Variants in SPEN observed in about 807,000 individuals in gnomAD.
The protein encoded by SPEN is spen family transcriptional repressor.
Under a neutral mutation model 269.9 loss-of-function variants are expected in SPEN, and 18 were observed. The observed-to-expected ratio is 0.07, with a 90% CI of 0.05 to 0.10. The LOEUF is 0.10. SPEN is among the 10% of genes least tolerant of loss of function. The pLI, the probability that SPEN is intolerant of heterozygous loss-of-function variation, is 1.00. For synonymous variants in SPEN, 1,726 were observed against 1,765.7 expected (o/e 0.98, Z 0.56); for missense variants, 3,822 against 4,631.2 (o/e 0.83, Z 5.07).
At chr1:15,868,129 G>A (rs1003416645) in intron 1 of SPEN, among the ~76,000 whole-genome samples, 40 of 151,288 alleles carry the variant, frequency 2.6e-4, no homozygotes, top group Non-Finnish European at 1.3e-4. Flanking sequence ...CACTGCATCC[G>A]GCCCCAGCTA....
intron 3 of SPEN, among the ~76,000 whole-genome samples, chr1:15,908,084 T>C (rs1182062500): frequency 1.3e-5 from 2 of 152,200 alleles, no homozygotes; most frequent in Non-Finnish European, 2.9e-5. Context: ...ATTTATTCAT[T>C]AGTCCTTCAG....
At chr1:15,869,580 G>GTATTTATTTATTTATTTATT (rs139016154) in intron 1 of SPEN, among the ~76,000 whole-genome samples, 56 of 146,082 alleles carry the variant, frequency 3.8e-4, no homozygotes, top group East Asian at 1.8e-3. Flanking sequence ...TGTCTCTACT[G>GTATTTATTTATTTATTTATT]TATTTATTTA....
intron 1 of SPEN, among the ~76,000 whole-genome samples, chr1:15,858,551 C>T (rs1335137975): frequency 1.3e-5 from 2 of 152,186 alleles, no homozygotes; most frequent in African/African-American, 2.4e-5. Context: ...CTGTTGTTTT[C>T]ACAATGATGA....
At position 15,847,806 on chromosome 1, in the gene SPEN, G is replaced by C. The variant is rs1312202696; in HGVS notation, c.-262G>C. The C allele has an allele frequency of 4.6e-6, 1 of 218,294 alleles. No individual in the cohort carries two copies. Among genetic ancestry groups the C allele is most frequent in the Admixed American group, 5.8e-5 (1 of 17,150 alleles). 13.5% of individuals were successfully genotyped at this position (218,294 alleles called of 1,614,324 possible). Reference sequence around the variant, plus strand: ...CCCGCTCCCCCGCCCGCCCCTGCCCGGGCGCATGCGCTGCCGGAGCGCGAG... The same window carrying C: ...CCCGCTCCCCCGCCCGCCCCTGCCCCGGCGCATGCGCTGCCGGAGCGCGAG... On this transcript the variant is annotated 5_prime_UTR_variant, in exon 1 of 15. Coordinates refer to ENST00000375759, the MANE Select transcript of SPEN (RefSeq NM_015001.3).
chr1:15,873,714 T>C, intron 2 of SPEN: 1 of 973,818 alleles, frequency 1.0e-6, no homozygotes. Flanking sequence ...AATGCCTGAT[T>C]TTTCCATTTT....
At position 15,929,416 on chromosome 1, in the gene SPEN, C is replaced by G. The variant is rs1212173292; in HGVS notation, c.3176C>G (p.Thr1059Ser). ...SKKIKLDRLN[T>S]VASPKDCQEL... ...AAAATCAAACTGGACAGACTTAATA[C>G]TGTTGCCAGCCCCAAAGACTGTCAG... Residue 1059 changes from threonine (T) to serine (S), a missense_variant, in exon 11 of 15, where the codon ACT becomes AGT. Around this residue, in one of 16 missense-constraint regions of SPEN, gnomAD observed 572 missense variants for 582.6 expected, o/e 0.98. Coordinates refer to ENST00000375759, the MANE Select transcript of SPEN (RefSeq NM_015001.3). The surrounding 1 kb of genome is among the most constrained non-coding windows in gnomAD (Gnocchi z 5.8). 3 of 1,613,862 alleles carry G rather than the reference C, an allele frequency of 1.9e-6. No homozygotes were observed. Among genetic ancestry groups the G allele is most frequent in the Non-Finnish European group, 2.5e-6 (3 of 1,179,926 alleles).
At chr1:15,914,084 A>ATTT (rs1349297454) in intron 5 of SPEN, among the ~76,000 whole-genome samples, 1 of 152,186 alleles carries the variant, frequency 6.6e-6, no homozygotes, top group Non-Finnish European at 1.5e-5. Flanking sequence ...TTCCTTTGAG[A>ATTT]TATGCAGAAT....
At chr1:15,850,185 A>G (rs1247444235) in intron 1 of SPEN, among the ~76,000 whole-genome samples, 1 of 152,126 alleles carries the variant, frequency 6.6e-6, no homozygotes, top group Middle Eastern at 3.2e-3. Flanking sequence ...CAGAATGCAC[A>G]GAGGGAGGAG....
chr1:15,899,537 GTTTTT>G (rs34565365), intron 3 of SPEN, among the ~76,000 whole-genome samples: 1 of 83,430 alleles, frequency 1.2e-5, no homozygotes. Context: ...ATGTGGCAGA[GTTTTT>G]TTTTTTTTTT....
At position 15,859,361 on chromosome 1, in the gene SPEN, T is replaced by TC. The variant is rs1351212649; in HGVS notation, c.83+11211_83+11212insC. 1.6e-3 allele frequency among the ~76,000 whole-genome samples: 235 copies of TC among 144,828 alleles called. 1 individual carries two copies. The highest frequency in any genetic ancestry group is 5.5e-3 in the African/African-American group (217 of 39,406). ...TTTTCTGTTTTCTTTTTCTTTTCTT[T>TC]TTTTTTTTTTTTTTGAGAGGGAGTC... On this transcript the variant is annotated intron_variant, in intron 1 of 14. Coordinates refer to ENST00000375759, the MANE Select transcript of SPEN (RefSeq NM_015001.3).
intron 3 of SPEN, among the ~76,000 whole-genome samples, chr1:15,906,342 G>A (rs1451001558): frequency 6.6e-6 from 1 of 151,696 alleles, no homozygotes; most frequent in African/African-American, 2.4e-5. Flanking sequence ...TTATCTCAAG[G>A]CCTTTATCCT....
At chr1:15,919,315 A>G (rs540925185) in intron 7 of SPEN, 89 bp from the exon 8 acceptor site, 2 of 850,736 alleles carry the variant, frequency 2.4e-6, no homozygotes, top group East Asian at 5.1e-5. Flanking sequence ...TGATAAGATT[A>G]CTATAGAAAA....
chr1:15,895,490 A>G (rs949532289), intron 3 of SPEN, among the ~76,000 whole-genome samples: 3 of 152,088 alleles, frequency 2.0e-5, no homozygotes, highest in Admixed American at 6.6e-5. Flanking sequence ...TGTCACATGT[A>G]TCATAATTTC....
intron 10 of SPEN, among the ~76,000 whole-genome samples, chr1:15,922,888 ACAG>A (rs1485581316): frequency 2.6e-5 from 4 of 152,168 alleles, no homozygotes; most frequent in African/African-American, 9.7e-5. Context: ...CGCTGGGATT[ACAG>A]GTGTGAGCCA....
intron 3 of SPEN, among the ~76,000 whole-genome samples, chr1:15,903,192 A>G (rs1396316450): frequency 6.6e-6 from 1 of 152,156 alleles, no homozygotes; most frequent in Non-Finnish European, 1.5e-5. Context: ...TGATGGCATG[A>G]TATCATTATT....
chr1:15,912,737 A>G (rs1326570068), intron 5 of SPEN, among the ~76,000 whole-genome samples: 1 of 152,226 alleles, frequency 6.6e-6, no homozygotes, highest in Non-Finnish European at 1.5e-5. Flanking sequence ...TTACTAAGCT[A>G]AGAGCAACTC....
At chr1:15,882,699 C>T (rs2070698117) in intron 3 of SPEN, among the ~76,000 whole-genome samples, 1 of 152,130 alleles carries the variant, frequency 6.6e-6, no homozygotes, top group Non-Finnish European at 1.5e-5. Context: ...CCGAGGAATG[C>T]ACAGGTACTA....
intron 1 of SPEN, among the ~76,000 whole-genome samples, chr1:15,859,373 T>TG (rs1444404322): frequency 6.7e-6 from 1 of 148,568 alleles, no homozygotes; most frequent in East Asian, 1.9e-4. Context: ...TTTTTTTTTT[T>TG]TTGAGAGGGA....
chr1:15,920,434 C>T (rs1309247969), intron 8 of SPEN, among the ~76,000 whole-genome samples: 2 of 152,118 alleles, frequency 1.3e-5, no homozygotes, highest in Non-Finnish European at 2.9e-5. Context: ...TAAAAAAATC[C>T]ACAGCCTTAA....
Sources: gnomAD v4.1 joint callset for allele counts (sites outside exome capture counted in the v4.1 genomes callset) on GRCh38, gnomAD v4.1.1 for gene constraint, gnomAD v4.1.1 regional missense constraint, Gnocchi (gnomAD v3.1) non-coding constraint, MANE v1.5 for transcripts, NCBI Gene and HGNC (gene_info 2026-07-23, HGNC 2026-07-21) for gene names.